Variants in HIKESHI observed in about 807,000 individuals in gnomAD.
HIKESHI encodes the protein protein Hikeshi.
HIKESHI carries 13 observed loss-of-function variants against 25.7 expected under a neutral mutation model. That is an observed-to-expected ratio of 0.51 (90% CI 0.33 to 0.80). The LOEUF (loss-of-function observed/expected upper bound fraction) is 0.80. Among genes scored for constraint, HIKESHI ranks in the 30% least tolerant of loss-of-function variants. The probability of loss-of-function intolerance (pLI) is 0.02; values close to 1 mark genes in which losing one functional copy is unlikely to be tolerated. For missense variants in HIKESHI, 174 were observed against 229.5 expected (o/e 0.76, Z 1.56); for synonymous variants, 76 against 78.7 (o/e 0.97, Z 0.18).
rs190017173 is a variant in HIKESHI, at chr11:86,341,433, T to G, written c.421-3170T>G. Among the ~76,000 whole-genome samples, 348 of 152,304 alleles carry G rather than the reference T, an allele frequency of 2.3e-3. 2 individuals carry two copies. Among genetic ancestry groups the G allele is most frequent in the Non-Finnish European group, 4.1e-3 (276 of 68,030 alleles). ...ACTAAGTGTAAATTCTCATTCAGTT[T>G]ATTTAAACATATCAGTTTCAAATTG... On this transcript the variant is annotated intron_variant, in intron 3 of 4. Coordinates refer to ENST00000278483, the MANE Select transcript of HIKESHI (RefSeq NM_016401.4).
chr11:86,336,046 T>C (rs1029252295), intron 2 of HIKESHI, among the ~76,000 whole-genome samples: 2 of 152,144 alleles, frequency 1.3e-5, no homozygotes, highest in African/African-American at 4.8e-5. Flanking sequence ...AATATCAATA[T>C]AGAAATTATA....
intron 2 of HIKESHI, among the ~76,000 whole-genome samples, chr11:86,309,516 G>A (rs1052490563): frequency 6.6e-6 from 1 of 152,114 alleles, no homozygotes; most frequent in East Asian, 1.9e-4. Flanking sequence ...CCCATTCTGT[G>A]GGTTGCCTGT....
At chr11:86,306,539 C>A in intron 2 of HIKESHI, 57 bp downstream of exon 2, 2 of 1,029,398 alleles carry the variant, frequency 1.9e-6, no homozygotes, top group Non-Finnish European at 2.9e-6. Context: ...TCTTAAATAG[C>A]ATAACATGGA....
At chr11:86,318,282 C>CAACA (rs1947043806) in intron 2 of HIKESHI, among the ~76,000 whole-genome samples, 1 of 53,090 alleles carries the variant, frequency 1.9e-5, no homozygotes, top group African/African-American at 7.0e-5. Flanking sequence ...CCATCCTGGG[C>CAACA]GACAGAGCAA....
intron 2 of HIKESHI, among the ~76,000 whole-genome samples, chr11:86,328,351 C>T (rs527886095): frequency 6.6e-6 from 1 of 151,770 alleles, no homozygotes; most frequent in African/African-American, 2.4e-5. Flanking sequence ...TTCCGCCTCC[C>T]GGGTTCAAGT....
intron 1 of HIKESHI, chr11:86,303,395 C>T (rs1203421060): frequency 2.0e-6 from 2 of 983,106 alleles, no homozygotes; most frequent in African/African-American, 3.5e-5. Context: ...GATGACTAGC[C>T]TCATAAAGTT....
At chr11:86,343,303 T>C (rs989174603) in intron 3 of HIKESHI, among the ~76,000 whole-genome samples, 1 of 98,210 alleles carries the variant, frequency 1.0e-5, no homozygotes, top group African/African-American at 3.9e-5. Context: ...GGAGGACTGC[T>C]GTTGATTTTT....
intron 2 of HIKESHI, among the ~76,000 whole-genome samples, chr11:86,335,679 C>T (rs976867020): frequency 6.6e-6 from 1 of 152,170 alleles, no homozygotes; most frequent in Non-Finnish European, 1.5e-5. Flanking sequence ...TAATCACTAG[C>T]AGACTACTAA....
chr11:86,315,202 G>A (rs548948604), intron 2 of HIKESHI, among the ~76,000 whole-genome samples: 5 of 152,204 alleles, frequency 3.3e-5, no homozygotes, highest in African/African-American at 9.6e-5. Context: ...ATAAAGCAGC[G>A]AGAGAGAGAA....
chr11:86,318,155 A>G (rs1947038459), intron 2 of HIKESHI, among the ~76,000 whole-genome samples: 1 of 150,980 alleles, frequency 6.6e-6, no homozygotes, highest in African/African-American at 2.4e-5. Context: ...ATACAAAAAA[A>G]TAGCCGGGCG....
chr11:86,318,161 G>A (rs950352444), intron 2 of HIKESHI, among the ~76,000 whole-genome samples: 3 of 151,210 alleles, frequency 2.0e-5, no homozygotes, highest in East Asian at 2.0e-4. Flanking sequence ...AAAAATAGCC[G>A]GGCGTGGTGG....
intron 2 of HIKESHI, among the ~76,000 whole-genome samples, chr11:86,308,824 G>GT (rs551296785): frequency 2.8e-3 from 430 of 152,004 alleles, no homozygotes; most frequent in African/African-American, 1.0e-2. Flanking sequence ...GCAGTGTTTG[G>GT]TTTTCTGTCC....
At chr11:86,315,819 T>C (rs1465622967) in intron 2 of HIKESHI, among the ~76,000 whole-genome samples, 4 of 152,028 alleles carry the variant, frequency 2.6e-5, no homozygotes, top group Non-Finnish European at 4.4e-5. Context: ...TCTGGACAAC[T>C]TGATTGTGTA....
At chr11:86,344,911 T>G (rs1216028266) in intron 4 of HIKESHI, 190 bp downstream of exon 4, 17 of 537,596 alleles carry the variant, frequency 3.2e-5, no homozygotes, top group Non-Finnish European at 4.4e-5. Flanking sequence ...TTTGTTATAT[T>G]GTCGCCATTA....
At chr11:86,338,866 G>A (rs1947642533) in intron 3 of HIKESHI, among the ~76,000 whole-genome samples, 2 of 152,100 alleles carry the variant, frequency 1.3e-5, no homozygotes. Context: ...TGTTATCCCT[G>A]GAGAAGGGTA....
intron 2 of HIKESHI, among the ~76,000 whole-genome samples, chr11:86,316,578 A>G (rs1396638631): frequency 6.6e-6 from 1 of 152,082 alleles, no homozygotes; most frequent in East Asian, 1.9e-4. Context: ...ATAGTGTAGT[A>G]AAAAGAAAAT....
At chr11:86,308,559 TTTTA>T (rs71468999) in intron 2 of HIKESHI, among the ~76,000 whole-genome samples, 4 of 142,562 alleles carry the variant, frequency 2.8e-5, no homozygotes, top group Middle Eastern at 3.6e-3. Context: ...CCATAATTCT[TTTTA>T]TTTATTTATT....
At chr11:86,332,811 T>G (rs1271072381) in intron 2 of HIKESHI, among the ~76,000 whole-genome samples, 1 of 152,256 alleles carries the variant, frequency 6.6e-6, no homozygotes, top group African/African-American at 2.4e-5. Context: ...AAACCATTCT[T>G]AGCTCCCACG....
Position 86,302,291 on chromosome 11 carries a change from C to T in HIKESHI, c.-158C>T. ...AAGAGAAGGTCAGAGTTCGCGGGGGCAGAGGCATTCTTGCCGCTGGCCCAG... is the reference window on the plus strand; with the variant it reads ...AAGAGAAGGTCAGAGTTCGCGGGGGTAGAGGCATTCTTGCCGCTGGCCCAG... On this transcript the variant is annotated 5_prime_UTR_variant, in exon 1 of 5. Coordinates refer to ENST00000278483, the MANE Select transcript of HIKESHI (RefSeq NM_016401.4). 3.7e-6 allele frequency: 3 copies of T among 814,052 alleles called. No homozygotes were observed. Among genetic ancestry groups the T allele is most frequent in the Non-Finnish European group, 6.1e-6 (3 of 495,682 alleles). The allele number at this position is 814,052 out of a possible 1,614,324, so 50.4% of individuals were successfully genotyped here.
Sources: allele counts gnomAD v4.1 joint callset (sites outside exome capture counted in the v4.1 genomes callset), GRCh38; gene constraint gnomAD v4.1.1; transcripts MANE v1.5; gene names NCBI Gene and HGNC (gene_info 2026-07-23, HGNC 2026-07-21).